Variants in GAD2 observed in about 807,000 individuals in gnomAD.
GAD2 encodes glutamate decarboxylase 2, also known as 65 kDa glutamic acid decarboxylase.
GAD2 carries 22 observed loss-of-function variants against 80.1 expected under a neutral mutation model. The observed-to-expected ratio is 0.27, with a 90% CI of 0.20 to 0.39. The LOEUF is 0.39. Among genes scored for constraint, GAD2 ranks in the 10% least tolerant of loss-of-function variants. The pLI, the probability that GAD2 is intolerant of heterozygous loss-of-function variation, is 1.00. For synonymous variants in GAD2, 274 were observed against 256.9 expected, an observed-to-expected ratio of 1.07 and a Z score of -0.64; for missense variants, 624 against 738.4, an observed-to-expected ratio of 0.85 and a Z score of 1.80.
At position 26,300,852 on chromosome 10, in the gene GAD2, T is replaced by C. The variant is rs1485293869; in HGVS notation, c.1649T>C (p.Leu550Ser). 6.2e-7 allele frequency: 1 copy of C among 1,613,922 alleles called. No homozygotes were observed. ...ACCACAATGGTCAGCTACCAACCCTTGGGAGACAAGGTCAATTTCTTCCGC... is the reference window on the plus strand; with the variant it reads ...ACCACAATGGTCAGCTACCAACCCTCGGGAGACAAGGTCAATTTCTTCCGC... Reference protein sequence around the residue: ...YGTTMVSYQPLGDKVNFFRMV... With the variant: ...YGTTMVSYQPSGDKVNFFRMV... The change falls in exon 16 of 16, where the codon TTG becomes TCG. Residue 550 changes from leucine to serine, a missense_variant. By Grantham distance (145) the Leu-to-Ser change is moderately radical. Coordinates refer to ENST00000376261, the MANE Select transcript of GAD2 (RefSeq NM_001134366.2).
intron 7 of GAD2, 130 bp from the exon 8 acceptor site, chr10:26,245,791 T>G: frequency 1.4e-6 from 1 of 712,768 alleles, no homozygotes. Flanking sequence ...CCATCTTCTC[T>G]CAGCAGCCCA....
intron 7 of GAD2, among the ~76,000 whole-genome samples, chr10:26,231,671 T>A (rs1451100964): frequency 6.6e-6 from 1 of 152,188 alleles, no homozygotes; most frequent in African/African-American, 2.4e-5. Flanking sequence ...ACAATATGAA[T>A]GTATTACCTT....
intron 4 of GAD2, among the ~76,000 whole-genome samples, chr10:26,220,161 C>T (rs969191940): frequency 6.6e-6 from 1 of 152,116 alleles, no homozygotes; most frequent in Non-Finnish European, 1.5e-5. Flanking sequence ...TCCTGATACA[C>T]GATGGCTGAC....
rs186875511 is a variant in GAD2 at position 26,277,479 on chromosome 10, G to A, written c.1158-3530G>A. Reference sequence around the variant, plus strand: ...ATGGAAAACCTTTGCTGCAGGAGCCGTAGTGGGCTTTGAGCAGAAGTGCAA... The same window carrying A: ...ATGGAAAACCTTTGCTGCAGGAGCCATAGTGGGCTTTGAGCAGAAGTGCAA... On this transcript the variant is annotated intron_variant, in intron 11 of 15. Transcript: ENST00000376261. Among the ~76,000 whole-genome samples the A allele has an allele frequency of 1.1e-3, 175 of 152,330 alleles. 1 individual carries two copies. The highest frequency in any genetic ancestry group is 3.3e-3 in the African/African-American group (136 of 41,578).
rs59054319 is a variant in GAD2, at chr10:26,218,551, TCA to T, written c.287-456_287-455del. On this transcript the variant is annotated intron_variant, in intron 3 of 15. Coordinates refer to ENST00000376261, the MANE Select transcript of GAD2 (RefSeq NM_001134366.2). Reference sequence around the variant, plus strand: ...CATGCATACGCTCTCTCTCTCTCTCTCACACACACACACACACACACACACAC... The same window carrying T: ...CATGCATACGCTCTCTCTCTCTCTCTCACACACACACACACACACACACAC... Among the ~76,000 whole-genome samples the T allele has an allele frequency of 0.014, 1,637 of 118,826 alleles. 82 individuals carry two copies. The East Asian group carries it at 0.19, about 14-fold the overall frequency. 78.0% of individuals were successfully genotyped at this position (118,826 alleles called of 152,430 possible).
chr10:26,264,232 A>G (rs1845041972), intron 8 of GAD2, among the ~76,000 whole-genome samples: 1 of 152,210 alleles, frequency 6.6e-6, no homozygotes, highest in African/African-American at 2.4e-5. Flanking sequence ...GAGTAAAAAG[A>G]AGAACTTAAA....
chr10:26,233,418 A>T (rs1009200149), intron 7 of GAD2, among the ~76,000 whole-genome samples: 2 of 152,012 alleles, frequency 1.3e-5, no homozygotes, highest in Non-Finnish European at 2.9e-5. Flanking sequence ...GTTGGGCTGG[A>T]GGGGGTTTTC....
intron 11 of GAD2, among the ~76,000 whole-genome samples, chr10:26,276,705 G>C (rs7067571): frequency 6.6e-6 from 1 of 152,130 alleles, no homozygotes; most frequent in South Asian, 2.1e-4. Flanking sequence ...TCAGACTGAC[G>C]CGTCTTTAGT....
intron 7 of GAD2, among the ~76,000 whole-genome samples, chr10:26,232,469 C>CT (rs60636223): frequency 0.045 from 4,544 of 101,274 alleles, 180 homozygotes; most frequent in Middle Eastern, 0.071. Context: ...ACTCAGTCTA[C>CT]TTTTTTTTTT....
intron 3 of GAD2, chr10:26,218,438 T>G (rs1428860640): frequency 6.2e-6 from 1 of 160,646 alleles, no homozygotes; most frequent in Admixed American, 6.4e-5. Context: ...ACGATTCCAT[T>G]CACATGAAAC....
intron 9 of GAD2, among the ~76,000 whole-genome samples, chr10:26,269,961 C>T (rs1004024287): frequency 6.6e-5 from 10 of 152,202 alleles, no homozygotes; most frequent in Non-Finnish European, 1.5e-4. Context: ...CACCTAAAGA[C>T]TGACACCATA....
At chr10:26,257,983 G>A (rs1358223123) in intron 8 of GAD2, among the ~76,000 whole-genome samples, 1 of 152,172 alleles carries the variant, frequency 6.6e-6, no homozygotes, top group Non-Finnish European at 1.5e-5. Context: ...AGCCCTCTGA[G>A]TGGCATATTT....
chr10:26,225,118 A>T (rs8190617), intron 6 of GAD2, among the ~76,000 whole-genome samples: 4,806 of 152,344 alleles, frequency 0.032, 131 homozygotes, highest in Middle Eastern at 0.082. Flanking sequence ...AACAAGCACC[A>T]AAGTGGATTT....
At chr10:26,253,265 G>A (rs1347238550) in intron 8 of GAD2, among the ~76,000 whole-genome samples, 2 of 152,110 alleles carry the variant, frequency 1.3e-5, no homozygotes, top group African/African-American at 2.4e-5. Context: ...AATGTGTTAG[G>A]TGAATACAAG....
intron 15 of GAD2, among the ~76,000 whole-genome samples, chr10:26,299,071 A>G (rs1834303490): frequency 1.3e-5 from 2 of 152,188 alleles, no homozygotes; most frequent in African/African-American, 4.8e-5. Context: ...GAAGATCTCA[A>G]TGCTGGAATC....
chr10:26,238,096 C>T (rs1345429349), intron 7 of GAD2, among the ~76,000 whole-genome samples: 1 of 151,468 alleles, frequency 6.6e-6, no homozygotes, highest in Non-Finnish European at 1.5e-5. Flanking sequence ...TTTCACAATG[C>T]CACTTGAGGT....
At chr10:26,232,839 C>T (rs116632804) in intron 7 of GAD2, among the ~76,000 whole-genome samples, 4 of 152,194 alleles carry the variant, frequency 2.6e-5, no homozygotes, top group South Asian at 2.1e-4. Flanking sequence ...ACAATTCGGC[C>T]GTATAACAAC....
In GAD2 at chr10:26,216,908, G is replaced by T. The variant is rs201256088; in HGVS notation, c.76+23G>T. On this transcript the variant is annotated intron_variant, in intron 1 of 15. Transcript: ENST00000376261. The surrounding 1 kb of genome is among the most constrained non-coding windows in gnomAD (Gnocchi z 4.7). ...CAGGTAGGAAGGAGAACGGGGGCCT[G>T]CGGCGGGCGAGTTTTGCGGTGGTCT... The T allele has an allele frequency of 7.4e-5, 119 of 1,597,658 alleles. No individual in the cohort carries two copies. In the African/African-American group the frequency reaches 1.6e-3, roughly 21 times the overall value.
chr10:26,243,828 G>C lies in GAD2; in HGVS notation c.841-2093G>C, dbSNP rs74750623. 2.1e-3 allele frequency among the ~76,000 whole-genome samples: 327 copies of C among 152,316 alleles called. 2 individuals are homozygous for C. Among genetic ancestry groups the C allele is most frequent in the African/African-American group, 7.5e-3 (313 of 41,556 alleles). On this transcript the variant is annotated intron_variant, in intron 7 of 15. Coordinates refer to ENST00000376261, the MANE Select transcript of GAD2 (RefSeq NM_001134366.2). ...TTACCTGAGTTTACTGAGTTTCACT[G>C]AACCTGGGAGAAACTGAGTGTAACT...
Sources: allele counts gnomAD v4.1 joint callset (sites outside exome capture counted in the v4.1 genomes callset), GRCh38; gene constraint gnomAD v4.1.1; non-coding constraint Gnocchi (gnomAD v3.1); transcripts MANE v1.5; gene names NCBI Gene and HGNC (gene_info 2026-07-23, HGNC 2026-07-21).